MAPK10: variants seen among roughly 807,000 people sequenced by gnomAD.
MAPK10 encodes JNK3 alpha protein kinase.
Under a neutral mutation model 59.3 loss-of-function variants are expected in MAPK10, and 25 were observed. The observed-to-expected ratio is 0.42, with a 90% CI of 0.31 to 0.59. The LOEUF is 0.59. Among genes scored for constraint, MAPK10 ranks in the 20% least tolerant of loss-of-function variants. MAPK10 has a pLI of 0.15. For synonymous variants in MAPK10, 190 were observed against 200.5 expected, an observed-to-expected ratio of 0.95 and a Z score of 0.44; for missense variants, 351 against 568.9, an observed-to-expected ratio of 0.62 and a Z score of 3.90.
chr4:86,329,603 C>T (rs1485354747), intron 2 of MAPK10, among the ~76,000 whole-genome samples: 2 of 152,158 alleles, frequency 1.3e-5, no homozygotes, highest in South Asian at 2.1e-4. Flanking sequence ...CAGTTTGGGG[C>T]TTATGACAGT....
chr4:86,524,438 A>G (rs1406410363), intron 1 of MAPK10, among the ~76,000 whole-genome samples: 2 of 152,066 alleles, frequency 1.3e-5, no homozygotes. Flanking sequence ...TGTACATTCT[A>G]CCTCCACAGT....
At chr4:86,525,972 G>C (rs1189704857) in intron 1 of MAPK10, among the ~76,000 whole-genome samples, 1 of 150,600 alleles carries the variant, frequency 6.6e-6, no homozygotes, top group Non-Finnish European at 1.5e-5. Context: ...AGATAACCCT[G>C]GTATTTTGTT....
intron 2 of MAPK10, among the ~76,000 whole-genome samples, chr4:86,221,559 T>G (rs2089601892): frequency 6.6e-6 from 1 of 151,958 alleles, no homozygotes; most frequent in Non-Finnish European, 1.5e-5. Context: ...TGATCACAGG[T>G]CACTGCAGGC....
At chr4:86,183,784 C>T (rs1204282597) in intron 3 of MAPK10, among the ~76,000 whole-genome samples, 2 of 152,210 alleles carry the variant, frequency 1.3e-5, no homozygotes, top group Non-Finnish European at 2.9e-5. Flanking sequence ...TATTTCTCCA[C>T]ATCCTCTCCA....
chr4:86,104,978 G>A (rs2149079998), intron 5 of MAPK10, among the ~76,000 whole-genome samples: 1 of 152,122 alleles, frequency 6.6e-6, no homozygotes, highest in African/African-American at 2.4e-5. Flanking sequence ...TTCCAGACAG[G>A]AATCTCAGTT....
At chr4:86,276,322 T>G (rs1218288991) in intron 2 of MAPK10, among the ~76,000 whole-genome samples, 1 of 152,106 alleles carries the variant, frequency 6.6e-6, no homozygotes. Flanking sequence ...TTTTCAAACC[T>G]TATGCCCTTT....
chr4:86,444,972 G>C (rs1283545153), intron 1 of MAPK10, among the ~76,000 whole-genome samples: 1 of 152,170 alleles, frequency 6.6e-6, no homozygotes, highest in Non-Finnish European at 1.5e-5. Context: ...CTGTTGGTGG[G>C]AATGTAAATT....
chr4:86,112,996 T>C (rs2057744649), intron 4 of MAPK10, among the ~76,000 whole-genome samples: 1 of 152,116 alleles, frequency 6.6e-6, no homozygotes, highest in Non-Finnish European at 1.5e-5. Context: ...TTTTTATCTT[T>C]GTTGGTTTTA....
At chr4:86,511,372 T>C (rs1756225383) in intron 1 of MAPK10, among the ~76,000 whole-genome samples, 1 of 151,738 alleles carries the variant, frequency 6.6e-6, no homozygotes, top group Admixed American at 6.6e-5. Flanking sequence ...GCCTGTGCAA[T>C]GTAGGGAGAC....
rs1356640362 is a variant in MAPK10, at chr4:86,137,114, T to C, written c.236+22184A>G. ...GACTTTAACACCCCACTGTCAACAT[T>C]AGACAGATCAACGAGACAGAAGGTC... is the stretch of plus-strand genomic sequence containing the variant. On this transcript the variant is annotated intron_variant, in intron 4 of 13. Transcript: ENST00000641462. 2.7e-5 allele frequency among the ~76,000 whole-genome samples: 4 copies of C among 150,512 alleles called. No homozygotes were observed. In the East Asian group the frequency reaches 7.8e-4, roughly 29 times the overall value.
intron 1 of MAPK10, among the ~76,000 whole-genome samples, chr4:86,572,234 T>C (rs1380194192): frequency 1.3e-5 from 2 of 152,180 alleles, no homozygotes; most frequent in African/African-American, 4.8e-5. Flanking sequence ...ATCATTACTT[T>C]CAGCAAAACC....
chr4:86,300,818 G>C (rs2095456038), intron 2 of MAPK10: 1 of 150,958 alleles, frequency 6.6e-6, no homozygotes, highest in African/African-American at 2.4e-5. Flanking sequence ...CAAAGACTGA[G>C]AGTCTGTCTC....
intron 2 of MAPK10, among the ~76,000 whole-genome samples, chr4:86,202,950 T>C (rs1337251157): frequency 6.6e-6 from 1 of 151,916 alleles, no homozygotes. Flanking sequence ...TTACAAAAAA[T>C]TCGTTTGCTA....
chr4:86,471,120 T>C (rs1752619555), intron 1 of MAPK10, among the ~76,000 whole-genome samples: 1 of 151,336 alleles, frequency 6.6e-6, no homozygotes, highest in South Asian at 2.1e-4. Flanking sequence ...AACACAAAAA[T>C]TAGCTGGGTG....
chr4:86,148,175 A>G (rs1228623239), intron 4 of MAPK10, among the ~76,000 whole-genome samples: 2 of 152,206 alleles, frequency 1.3e-5, no homozygotes, highest in African/African-American at 4.8e-5. Context: ...TAAGTATAAC[A>G]TGTCATAATA....
rs892822356 is a variant in MAPK10, at chr4:86,058,946, C to T, written c.1110+5320G>A. On this transcript the variant is annotated intron_variant, in intron 11 of 13. Coordinates refer to ENST00000641462, the MANE Select transcript of MAPK10 (RefSeq NM_138982.4). ...ATTCACTTCATCATGGTTGCTGGTC[C>T]TATAGCTGCTCAAAGTTGAAAAGTT... Among the ~76,000 whole-genome samples the T allele has an allele frequency of 2.0e-5, 3 of 152,076 alleles. No homozygotes were observed. In the South Asian group the frequency reaches 6.2e-4, roughly 31 times the overall value.
At chr4:86,465,897 G>A (rs960725223) in intron 1 of MAPK10, among the ~76,000 whole-genome samples, 2 of 152,180 alleles carry the variant, frequency 1.3e-5, no homozygotes, top group African/African-American at 4.8e-5. Context: ...TGTCACAGAT[G>A]GCGGAAGAAA....
chr4:86,071,453 A>C (rs1191612286), intron 9 of MAPK10, among the ~76,000 whole-genome samples: 1 of 140,698 alleles, frequency 7.1e-6, no homozygotes, highest in South Asian at 2.2e-4. Context: ...TGTTTTGGAC[A>C]TGAAGTCCTT....
chr4:86,168,628 G>A (rs2072827651), intron 3 of MAPK10, among the ~76,000 whole-genome samples: 1 of 152,126 alleles, frequency 6.6e-6, no homozygotes, highest in South Asian at 2.1e-4. Flanking sequence ...CCACCTCTGG[G>A]GGCAGGGCAC....
Sources: allele counts gnomAD v4.1 joint callset (sites outside exome capture counted in the v4.1 genomes callset), GRCh38; gene constraint gnomAD v4.1.1; transcripts MANE v1.5; gene names NCBI Gene and HGNC (gene_info 2026-07-23, HGNC 2026-07-21).